GPHN: variants seen among roughly 807,000 people sequenced by gnomAD.
The protein encoded by GPHN is gephyrin.
A neutral mutation model predicts 95.5 loss-of-function variants in GPHN; 17 were observed. That is an observed-to-expected ratio of 0.18 (90% CI 0.12 to 0.27). The LOEUF is 0.27. Among genes scored for constraint, GPHN ranks in the 10% least tolerant of loss-of-function variants. The pLI is 1.00. For missense variants in GPHN, 660 were observed against 978.1 expected, an observed-to-expected ratio of 0.67 and a Z score of 4.34; for synonymous variants, 320 against 322.5, an observed-to-expected ratio of 0.99 and a Z score of 0.08.
At chr14:67,624,719 G>A in the GPHN span, among the ~76,000 whole-genome samples, 2 of 152,184 alleles carry the variant, frequency 1.3e-5, no homozygotes, top group Non-Finnish European at 2.9e-5. Context: ...AGATTTGGAT[G>A]GGAACACAGA....
At chr14:67,419,810 C>T in the GPHN span, among the ~76,000 whole-genome samples, 3 of 151,188 alleles carry the variant, frequency 2.0e-5, no homozygotes, top group Non-Finnish European at 1.5e-5. Flanking sequence ...GATCGCGCCA[C>T]GGCACTCCAG....
intron 11 of GPHN, among the ~76,000 whole-genome samples, chr14:67,065,757 CTTTT>C (rs201638278): frequency 7.8e-6 from 1 of 128,518 alleles, no homozygotes. Flanking sequence ...GCAACCCCTG[CTTTT>C]TTTTTTTTTT....
At chr14:67,411,953 G>A in the GPHN span, 6 of 1,421,876 alleles carry the variant, frequency 4.2e-6, no homozygotes, top group African/African-American at 4.4e-5. Context: ...GTCTGGCCCC[G>A]CTCTAGGGAG....
At chr14:66,653,828 T>A (rs935536417) in intron 1 of GPHN, among the ~76,000 whole-genome samples, 4 of 152,186 alleles carry the variant, frequency 2.6e-5, no homozygotes, top group Middle Eastern at 3.2e-3. Flanking sequence ...ATTCACTGAT[T>A]AAGGGAAATC....
At chr14:67,427,739 AG>A in the GPHN span, among the ~76,000 whole-genome samples, 2 of 151,882 alleles carry the variant, frequency 1.3e-5, no homozygotes, top group African/African-American at 4.8e-5. Flanking sequence ...CATACTTAGG[AG>A]ATTTGGTTTC....
At chr14:67,400,172 C>CTGACTTGAGCCCAAACAGA in the GPHN span, among the ~76,000 whole-genome samples, 3 of 152,196 alleles carry the variant, frequency 2.0e-5, no homozygotes, top group Non-Finnish European at 2.9e-5. Context: ...TTTGTGAACA[C>CTGACTTGAGCCCAAACAGA]TGACTTGAGC....
chr14:67,213,385 A>G, the GPHN span, among the ~76,000 whole-genome samples: 3 of 131,388 alleles, frequency 2.3e-5, no homozygotes, highest in East Asian at 2.3e-4. Context: ...TCATTGTTCA[A>G]TTCCCACCTA....
At chr14:67,393,247 T>C in the GPHN span, 1 of 1,609,000 alleles carries the variant, frequency 6.2e-7, no homozygotes, top group Non-Finnish European at 8.5e-7. Flanking sequence ...TGCGACTACA[T>C]GGAAGGGAAG....
At chr14:67,206,318 C>T in the GPHN span, among the ~76,000 whole-genome samples, 1 of 151,986 alleles carries the variant, frequency 6.6e-6, no homozygotes, top group African/African-American at 2.4e-5. Context: ...GCCAACATGG[C>T]AAAACCCTGT....
the GPHN span, among the ~76,000 whole-genome samples, chr14:67,419,540 A>G: frequency 6.6e-6 from 1 of 152,080 alleles, no homozygotes; most frequent in Admixed American, 6.5e-5. Flanking sequence ...GCCTTCCCCA[A>G]AGAAAGCAGG....
chr14:67,583,678 A>T, the GPHN span: 1 of 1,295,922 alleles, frequency 7.7e-7, no homozygotes, highest in African/African-American at 1.5e-5. Flanking sequence ...ACCTCTCAAC[A>T]GCCCCCACCT....
intron 11 of GPHN, among the ~76,000 whole-genome samples, chr14:67,081,746 T>A (rs2076706374): frequency 1.3e-5 from 2 of 152,224 alleles, no homozygotes; most frequent in African/African-American, 2.4e-5. Context: ...TAGGCTTAAG[T>A]CCTTGATCCA....
At chr14:66,950,401 T>C (rs968564360) in intron 8 of GPHN, among the ~76,000 whole-genome samples, 1 of 152,206 alleles carries the variant, frequency 6.6e-6, no homozygotes, top group African/African-American at 2.4e-5. Context: ...AGACCTTTGC[T>C]CTTGACTCAA....
At chr14:67,166,268 G>A (rs1331231036) in intron 20 of GPHN, among the ~76,000 whole-genome samples, 7 of 152,318 alleles carry the variant, frequency 4.6e-5, no homozygotes, top group Non-Finnish European at 1.5e-5. Flanking sequence ...TCTGTAACAT[G>A]AAACGCCTTA....
At chr14:67,659,617 T>A in the GPHN span, 2 of 1,079,880 alleles carry the variant, frequency 1.9e-6, no homozygotes, top group African/African-American at 1.6e-5. Flanking sequence ...GTGAAAAAAA[T>A]GAAACAAGAG....
the GPHN span, among the ~76,000 whole-genome samples, chr14:67,264,552 G>A: frequency 2.0e-5 from 3 of 152,086 alleles, no homozygotes; most frequent in Non-Finnish European, 4.4e-5. Flanking sequence ...TTTTTGTACC[G>A]TAAATGGTAT....
rs529893538 is a variant in GPHN at position 66,745,947 on chromosome 14, A to C, written c.144-30517A>C. On this transcript the variant is annotated intron_variant, in intron 2 of 22. Coordinates refer to ENST00000478722, the MANE Select transcript of GPHN (RefSeq NM_020806.5). ...AAGAATGTCAAATAAATAGAATCAG[A>C]AAGTATGACCAGCTTCTCTCAGAGT... is the stretch of plus-strand genomic sequence containing the variant. Among the ~76,000 whole-genome samples the C allele has an allele frequency of 3.6e-4, 55 of 152,212 alleles. No homozygotes were observed. In the Middle Eastern group the frequency reaches 0.02, roughly 56 times the overall value.
chr14:66,777,628 A>T (rs1462452797), intron 3 of GPHN, among the ~76,000 whole-genome samples: 1 of 152,162 alleles, frequency 6.6e-6, no homozygotes, highest in Non-Finnish European at 1.5e-5. Context: ...ATCCACCACG[A>T]TCAAGTGGGC....
intron 2 of GPHN, among the ~76,000 whole-genome samples, chr14:66,759,539 G>GT (rs1350529695): frequency 2.0e-5 from 3 of 152,182 alleles, no homozygotes; most frequent in Non-Finnish European, 4.4e-5. Context: ...TTTATCTGAG[G>GT]TAAGAATAGC....
Sources: allele counts gnomAD v4.1 joint callset (sites outside exome capture counted in the v4.1 genomes callset), GRCh38; gene constraint gnomAD v4.1.1; transcripts MANE v1.5; gene names NCBI Gene and HGNC (gene_info 2026-07-23, HGNC 2026-07-21).